Variants in TCF7L2 observed in about 807,000 individuals in gnomAD.
The protein encoded by TCF7L2 is transcription factor 7-like 2.
In TCF7L2, 23 loss-of-function variants were observed where a neutral mutation model predicts 77.9. The ratio of observed to expected loss-of-function variants is 0.30; its 90% CI spans 0.21 to 0.42. TCF7L2 has a LOEUF of 0.42. Among genes scored for constraint, TCF7L2 ranks in the 10% least tolerant of loss-of-function variants. The probability of loss-of-function intolerance (pLI) is 1.00; values close to 1 mark genes in which losing one functional copy is unlikely to be tolerated. For synonymous variants in TCF7L2, 413 were observed against 340.2 expected (o/e 1.21, Z -2.36); for missense variants, 654 against 793.1 (o/e 0.82, Z 2.11).
intron 5 of TCF7L2, among the ~76,000 whole-genome samples, chr10:113,113,120 T>G (rs900699235): frequency 6.6e-6 from 1 of 152,204 alleles, no homozygotes; most frequent in African/African-American, 2.4e-5. Context: ...CAGGAGTTTT[T>G]GGGTTCTATA....
At chr10:113,089,391 T>C (rs1249467137) in intron 5 of TCF7L2, 3 of 1,612,342 alleles carry the variant, frequency 1.9e-6, no homozygotes, top group Admixed American at 3.3e-5. Flanking sequence ...CCTTTCTTCC[T>C]GGCAGCAGAG....
intron 3 of TCF7L2, among the ~76,000 whole-genome samples, chr10:112,953,216 A>C (rs1036243662): frequency 1.3e-5 from 2 of 151,624 alleles, no homozygotes; most frequent in Non-Finnish European, 2.9e-5. Flanking sequence ...TAGACCGGTC[A>C]TTTTTTTTAT....
Position 112,987,099 on chromosome 10 carries a change from C to T in TCF7L2, c.450+22475C>T, listed in dbSNP as rs2041686698. On this transcript the variant is annotated intron_variant, in intron 4 of 13. Coordinates refer to ENST00000627217, the MANE Select transcript of TCF7L2 (RefSeq NM_001146274.2). ...CCCGAGTTGTTCATTTCTTTTGTTT[C>T]TATTTTAAAAATACTTACCGAGCAT... Among the ~76,000 whole-genome samples, 5 of 152,106 alleles carry T rather than the reference C, an allele frequency of 3.3e-5. No homozygotes were observed. In the South Asian group the frequency reaches 1.0e-3, roughly 32 times the overall value.
rs538770693 is a variant in TCF7L2, at chr10:113,112,884, A to G, written c.553-28300A>G. 1.6e-4 allele frequency among the ~76,000 whole-genome samples: 25 copies of G among 152,250 alleles called. No homozygotes were observed. The South Asian group carries it at 5.2e-3, about 32-fold the overall frequency. ...TGTATTCAGATCCTCCTCCTTTTAA[A>G]AAGAATAAAATAAAAGGTAGAAGGC... On this transcript the variant is annotated intron_variant, in intron 5 of 13. Transcript: ENST00000627217.
chr10:113,093,726 C>T (rs1274935681), intron 5 of TCF7L2, among the ~76,000 whole-genome samples: 2 of 152,120 alleles, frequency 1.3e-5, no homozygotes, highest in Non-Finnish European at 2.9e-5. Context: ...CATTTTAAAG[C>T]TCGCCACACA....
chr10:113,094,870 A>G (rs1402288828), intron 5 of TCF7L2, among the ~76,000 whole-genome samples: 5 of 152,140 alleles, frequency 3.3e-5, no homozygotes, highest in Non-Finnish European at 7.4e-5. Context: ...TGAAATCCCA[A>G]CACTTTGAGA....
At position 113,038,279 on chromosome 10, in the gene TCF7L2, A is replaced by G. The variant is rs148493481; in HGVS notation, c.451-1746A>G. On this transcript the variant is annotated intron_variant, in intron 4 of 13. Coordinates refer to ENST00000627217, the MANE Select transcript of TCF7L2 (RefSeq NM_001146274.2). ...GAAAAAAACAGAGATCACTGAAGCA[A>G]GGGGAGTCGATGCAGGGTCTTGTGG... Among the ~76,000 whole-genome samples the G allele has an allele frequency of 8.7e-3, 1,328 of 152,272 alleles. 14 individuals are homozygous for G. Among genetic ancestry groups the G allele is most frequent in the Non-Finnish European group, 0.013 (861 of 68,020 alleles).
intron 5 of TCF7L2, among the ~76,000 whole-genome samples, chr10:113,101,842 C>CAAAAAAAA (rs71007412): frequency 1.5e-4 from 7 of 46,000 alleles, no homozygotes; most frequent in African/African-American, 3.3e-4. Flanking sequence ...GACTCCGTCT[C>CAAAAAAAA]AAAAAAAAAA....
intron 5 of TCF7L2, among the ~76,000 whole-genome samples, chr10:113,066,159 A>C (rs1387175592): frequency 1.3e-5 from 2 of 152,010 alleles, no homozygotes; most frequent in Non-Finnish European, 2.9e-5. Flanking sequence ...GATCAGGAGT[A>C]CGAGACCAGC....
chr10:112,990,717 A>C (rs2135446593), intron 4 of TCF7L2, among the ~76,000 whole-genome samples: 1 of 152,176 alleles, frequency 6.6e-6, no homozygotes, highest in East Asian at 1.9e-4. Context: ...ATAATAAATA[A>C]ATAAATAAAT....
At chr10:113,064,287 G>T (rs2135007765) in intron 5 of TCF7L2, among the ~76,000 whole-genome samples, 1 of 152,354 alleles carries the variant, frequency 6.6e-6, no homozygotes, top group East Asian at 1.9e-4. Flanking sequence ...GGTGGCTGCA[G>T]AGGTATTTAC....
chr10:112,955,368 T>TAG (rs2134315240), intron 3 of TCF7L2, among the ~76,000 whole-genome samples: 1 of 152,182 alleles, frequency 6.6e-6, no homozygotes, highest in East Asian at 1.9e-4. Flanking sequence ...TGCTAATCTT[T>TAG]ATAGGTTGGG....
chr10:113,151,994 C>A lies in TCF7L2; in HGVS notation c.1161+110C>A. 1 of 1,431,580 alleles carries A rather than the reference C, an allele frequency of 7.0e-7. No homozygotes were observed. Among genetic ancestry groups the A allele is most frequent in the Non-Finnish European group, 9.3e-7 (1 of 1,072,950 alleles). The allele number at this position is 1,431,580 out of a possible 1,614,324, so 88.7% of individuals were successfully genotyped here. The stretch of plus-strand genomic sequence containing the variant: ...TCCCCATTTCTTTGGAGAATTCTTG[C>A]CCTTCAGCCACATTCTGAATCCTTG... On this transcript the variant is annotated intron_variant, in intron 10 of 13. Transcript: ENST00000627217. The surrounding 1 kb of genome is among the most constrained non-coding windows in gnomAD (Gnocchi z 5.2).
At chr10:112,955,263 C>T (rs1179539007) in intron 3 of TCF7L2, among the ~76,000 whole-genome samples, 1 of 152,146 alleles carries the variant, frequency 6.6e-6, no homozygotes, top group Non-Finnish European at 1.5e-5. Flanking sequence ...TCTTACCCTT[C>T]TTTGGTATTT....
chr10:113,069,473 G>A (rs546021011), intron 5 of TCF7L2, among the ~76,000 whole-genome samples: 59 of 152,082 alleles, frequency 3.9e-4, no homozygotes, highest in Non-Finnish European at 7.2e-4. Flanking sequence ...CAAGTGATCC[G>A]CCCACCTCTA....
At chr10:112,953,038 C>T (rs2032383468) in intron 3 of TCF7L2, among the ~76,000 whole-genome samples, 1 of 152,134 alleles carries the variant, frequency 6.6e-6, no homozygotes, top group Non-Finnish European at 1.5e-5. Flanking sequence ...CTCTAGATAG[C>T]AATTTGAAAT....
At chr10:113,105,121 A>G (rs1180143745) in intron 5 of TCF7L2, among the ~76,000 whole-genome samples, 1 of 152,212 alleles carries the variant, frequency 6.6e-6, no homozygotes, top group Non-Finnish European at 1.5e-5. Flanking sequence ...ATTAACTTCC[A>G]GAGTGACATG....
intron 5 of TCF7L2, among the ~76,000 whole-genome samples, chr10:113,120,022 A>G (rs2064514030): frequency 1.3e-5 from 2 of 152,168 alleles, no homozygotes; most frequent in Admixed American, 1.3e-4. Flanking sequence ...ATGCTAACAC[A>G]ATGAATATTT....
chr10:113,045,733 G>A (rs944906274), intron 5 of TCF7L2, among the ~76,000 whole-genome samples: 3 of 152,038 alleles, frequency 2.0e-5, no homozygotes, highest in Admixed American at 2.0e-4. Context: ...TTTTACTTCT[G>A]GATTATCTCC....
Sources: allele counts gnomAD v4.1 joint callset (sites outside exome capture counted in the v4.1 genomes callset), GRCh38; gene constraint gnomAD v4.1.1; non-coding constraint Gnocchi (gnomAD v3.1); transcripts MANE v1.5; gene names NCBI Gene and HGNC (gene_info 2026-07-23, HGNC 2026-07-21).